CABIN1: variants seen among roughly 807,000 people sequenced by gnomAD.
CABIN1 encodes calcineurin binding protein 1, also known as calcineurin-binding protein cabin-1.
A neutral mutation model predicts 227.7 loss-of-function variants in CABIN1; 133 were observed. The observed-to-expected ratio is 0.58, with a 90% confidence interval of 0.51 to 0.67. The LOEUF is 0.67. Ranked by LOEUF, CABIN1 falls within the 30% of genes least tolerant of loss-of-function variation. CABIN1 has a pLI of 0.00. For synonymous variants in CABIN1, 1,086 were observed against 1,155.1 expected, an observed-to-expected ratio of 0.94 and a Z score of 1.21; for missense variants, 2,408 against 2,852.5, an observed-to-expected ratio of 0.84 and a Z score of 3.55.
chr22:24,060,289 A>G, intron 12 of CABIN1, 148 bp downstream of exon 12: 1 of 775,712 alleles, frequency 1.3e-6, no homozygotes, highest in Non-Finnish European at 2.2e-6. Flanking sequence ...CGAAGCAGGA[A>G]GTCACTGAAC....
intron 19 of CABIN1, among the ~76,000 whole-genome samples, chr22:24,080,653 C>G (rs1447241862): frequency 6.6e-6 from 1 of 151,678 alleles, no homozygotes; most frequent in East Asian, 1.9e-4. Context: ...AAAATTGTTG[C>G]GTATATTTTG....
At chr22:24,164,921 C>G (rs1446541237) in intron 30 of CABIN1, among the ~76,000 whole-genome samples, 1 of 152,298 alleles carries the variant, frequency 6.6e-6, no homozygotes, top group East Asian at 1.9e-4. Flanking sequence ...GTTCCCCAGA[C>G]AAAGGCCAGT....
chr22:24,133,466 G>T (rs1481688362), intron 28 of CABIN1, among the ~76,000 whole-genome samples: 2 of 152,230 alleles, frequency 1.3e-5, no homozygotes, highest in Non-Finnish European at 2.9e-5. Flanking sequence ...TGCGCCCAGC[G>T]CTGGGAAAGG....
At position 24,059,259 on chromosome 22, in the gene CABIN1, A is replaced by G. The variant is rs953506132; in HGVS notation, c.1295A>G (p.Asp432Gly). Residue 432 changes from aspartate (D) to glycine (G), a missense_variant, in exon 11 of 37, where the codon GAT becomes GGT. Asp to Gly is a moderately conservative substitution (Grantham distance 94). Coordinates refer to ENST00000263119, the MANE Select transcript of CABIN1 (RefSeq NM_012295.4). ...AAGCTGGACCCTGAGGAGGAAGATG[A>G]TTCCTTTAATAACTATGAAGTCCAG... ...LRKLDPEEED[D>G]SFNNYEVQSE... is the part of the protein sequence containing the mutation. 1 of 1,614,246 alleles carries G rather than the reference A, an allele frequency of 6.2e-7. No individual in the cohort carries two copies. The highest frequency in any genetic ancestry group is 8.5e-7 in the Non-Finnish European group (1 of 1,180,034).
At position 24,134,296 on chromosome 22, in the gene CABIN1, C is replaced by G; in HGVS notation, c.4633-6C>G. On this transcript the variant is annotated splice_region_variant and splice_polypyrimidine_tract_variant and intron_variant, in intron 28 of 36. Coordinates refer to ENST00000263119, the MANE Select transcript of CABIN1 (RefSeq NM_012295.4). ...CTCACTTTCAACCTACTTCTTGTTTCCCCAGAACCTCCAGTGGGCCCGCGA... is the reference window on the plus strand; with the variant it reads ...CTCACTTTCAACCTACTTCTTGTTTGCCCAGAACCTCCAGTGGGCCCGCGA... The G allele has an allele frequency of 6.2e-7, 1 of 1,611,572 alleles. No individual in the cohort carries two copies. The highest frequency in any genetic ancestry group is 1.1e-5 in the South Asian group (1 of 90,834).
intron 6 of CABIN1, among the ~76,000 whole-genome samples, 165 bp from the exon 7 acceptor site, chr22:24,048,926 C>T (rs1480902931): frequency 1.3e-5 from 2 of 152,212 alleles, no homozygotes; most frequent in African/African-American, 4.8e-5. Flanking sequence ...CCAGTCTACT[C>T]TGGGTCTTAT....
chr22:24,158,772 C>A (rs559988790), intron 29 of CABIN1, among the ~76,000 whole-genome samples: 5 of 152,306 alleles, frequency 3.3e-5, no homozygotes, highest in African/African-American at 1.2e-4. Flanking sequence ...TGTCCCCTCA[C>A]CCTGGATCAC....
At chr22:24,134,173 C>T (rs1239942646) in intron 28 of CABIN1, 129 bp from the exon 29 acceptor site, 62 of 698,954 alleles carry the variant, frequency 8.9e-5, no homozygotes, top group South Asian at 6.0e-5. Context: ...GCTGTGGAAT[C>T]GATGTCTGCA....
At chr22:24,176,495 G>T (rs983084843) in intron 35 of CABIN1, among the ~76,000 whole-genome samples, 13 of 152,184 alleles carry the variant, frequency 8.5e-5, no homozygotes, top group Admixed American at 2.6e-4. Context: ...TCAGGGGCTG[G>T]GTAGAGAGGG....
In CABIN1 at chr22:24,107,322, A is replaced by G. The variant is rs149829930; in HGVS notation, c.4118-6244A>G. On this transcript the variant is annotated intron_variant, in intron 26 of 36. Transcript: ENST00000263119. Reference sequence around the variant, plus strand: ...CAAGGGTTTGTCTAGAATCACCACAATGCCCCCCAGGGCCAGTACCAATCT... The same window carrying G: ...CAAGGGTTTGTCTAGAATCACCACAGTGCCCCCCAGGGCCAGTACCAATCT... Among the ~76,000 whole-genome samples, 160 of 152,306 alleles carry G rather than the reference A, an allele frequency of 1.1e-3. 1 individual carries two copies. Among genetic ancestry groups the G allele is most frequent in the African/African-American group, 3.7e-3 (152 of 41,560 alleles).
chr22:24,129,677 G>A (rs2043949920), intron 28 of CABIN1, among the ~76,000 whole-genome samples: 1 of 152,238 alleles, frequency 6.6e-6, no homozygotes, highest in African/African-American at 2.4e-5. Flanking sequence ...GAGAAGTAGG[G>A]GCAGACAGCA....
chr22:24,157,394 G>A (rs1030943653), intron 29 of CABIN1, among the ~76,000 whole-genome samples: 2 of 152,168 alleles, frequency 1.3e-5, no homozygotes, highest in African/African-American at 4.8e-5. Flanking sequence ...GCCAGGGCTC[G>A]GAGGGGTGCT....
intron 8 of CABIN1, among the ~76,000 whole-genome samples, chr22:24,052,065 T>G (rs1172576964): frequency 6.6e-6 from 1 of 152,118 alleles, no homozygotes; most frequent in Non-Finnish European, 1.5e-5. Flanking sequence ...GCTCCCCAAC[T>G]ACAGAGGGTT....
chr22:24,171,734 A>C lies in CABIN1; in HGVS notation c.5779A>C (p.Thr1927Pro). 1 of 1,613,824 alleles carries C rather than the reference A, an allele frequency of 6.2e-7. No homozygotes were observed. Among genetic ancestry groups the C allele is most frequent in the East Asian group, 2.2e-5 (1 of 44,850 alleles). ...QRQASGDTPTTPKHPKDSREN... is the reference protein window; with the variant it reads ...QRQASGDTPTPPKHPKDSREN... ...ACAGGCCTCGGGGGACACCCCCACC[A>C]CTCCAAAGCACCCCAAAGACAGCCG... is the stretch of plus-strand genomic sequence containing the variant. The change falls in exon 34 of 37, where the codon ACT (threonine) becomes CCT (proline). Residue 1927 changes from threonine (T) to proline (P), a missense_variant. Physicochemically the swap from Thr to Pro is conservative, Grantham distance 38 (BLOSUM62 -1). Transcript: ENST00000263119.
chr22:24,167,148 G>T lies in CABIN1; in HGVS notation c.5517G>T (p.Pro1839=). ...GTRAGGHPEE[P]LSRLSRKRKL... ...GGGCAGGGGGCCACCCGGAGGAGCC[G>T]CTCTCCCGGCTCAGCCGCAAGAGGA... Residue 1839 remains proline (P), a synonymous_variant, in exon 32 of 37, where the codon CCG becomes CCT. Transcript: ENST00000263119. 2 of 1,600,662 alleles carry T rather than the reference G, an allele frequency of 1.2e-6. No homozygotes were observed. The highest frequency in any genetic ancestry group is 1.7e-6 in the Non-Finnish European group (2 of 1,175,322).
At chr22:24,084,841 C>T in intron 21 of CABIN1, 56 bp downstream of exon 21, 1 of 1,577,546 alleles carries the variant, frequency 6.3e-7, no homozygotes, top group Non-Finnish European at 8.7e-7. Context: ...CTCTTCCGCT[C>T]TGCCACTGCT....
intron 27 of CABIN1, 23 bp from the exon 28 acceptor site, chr22:24,119,344 C>A (rs779770060): frequency 6.2e-7 from 1 of 1,603,368 alleles, no homozygotes; most frequent in Non-Finnish European, 8.5e-7. Flanking sequence ...GGGTGACTTT[C>A]TTTCCCTTCT....
At chr22:24,074,234 A>G (rs1026464752) in intron 18 of CABIN1, among the ~76,000 whole-genome samples, 4 of 152,230 alleles carry the variant, frequency 2.6e-5, no homozygotes, top group African/African-American at 9.6e-5. Flanking sequence ...GCAAACAAAA[A>G]TTAGTTTTCA....
In CABIN1 at chr22:24,067,048, A is replaced by G; in HGVS notation, c.2099A>G (p.Tyr700Cys). 2 of 1,614,220 alleles carry G rather than the reference A, an allele frequency of 1.2e-6. No individual in the cohort carries two copies. The highest frequency in any genetic ancestry group is 1.7e-6 in the Non-Finnish European group (2 of 1,180,036). The change falls in exon 16 of 37, where the codon TAT (tyrosine) becomes TGT (cysteine). Residue 700 changes from tyrosine to cysteine, a missense_variant. Physicochemically the swap from Tyr to Cys is radical, Grantham distance 194. Coordinates refer to ENST00000263119, the MANE Select transcript of CABIN1 (RefSeq NM_012295.4). ...TCCCTGGAGGAGATTCAGCGGCTGT[A>G]TGAAGCAGGCGACTACAAGGCTGTT... ...CQSLEEIQRL[Y>C]EAGDYKAVVH...
Sources: allele counts gnomAD v4.1 joint callset (sites outside exome capture counted in the v4.1 genomes callset), GRCh38; gene constraint gnomAD v4.1.1; transcripts MANE v1.5; gene names NCBI Gene and HGNC (gene_info 2026-07-23, HGNC 2026-07-21).